The following MYO3A variants were observed in gnomAD, a reference collection of about 807,000 sequenced individuals.
MYO3A encodes myosin-IIIa.
MYO3A carries 180 observed loss-of-function variants against 192.7 expected under a neutral mutation model. The observed-to-expected ratio is 0.93, with a 90% CI of 0.83 to 1.06. The LOEUF is 1.06. MYO3A is among the 50% of genes least tolerant of loss of function. The pLI, the probability that MYO3A is intolerant of heterozygous loss-of-function variation, is 0.00. For missense variants in MYO3A, 1,896 were observed against 1,905.0 expected (o/e 1.00, Z 0.09); for synonymous variants, 628 against 645.3 (o/e 0.97, Z 0.41).
At chr10:25,961,946 A>G (rs753528319) in intron 4 of MYO3A, among the ~76,000 whole-genome samples, 2 of 152,168 alleles carry the variant, frequency 1.3e-5, no homozygotes, top group Non-Finnish European at 2.9e-5. Flanking sequence ...GAATCATGTT[A>G]ACAGTGCTAG....
intron 4 of MYO3A, among the ~76,000 whole-genome samples, chr10:25,968,489 A>G (rs1404008857): frequency 6.6e-6 from 1 of 152,230 alleles, no homozygotes; most frequent in Admixed American, 6.5e-5. Flanking sequence ...TCAGTGGTAA[A>G]TATAGGGCAG....
At chr10:26,137,777 T>A (rs1382234544) in intron 20 of MYO3A, among the ~76,000 whole-genome samples, 1 of 152,202 alleles carries the variant, frequency 6.6e-6, no homozygotes, top group African/African-American at 2.4e-5. Context: ...TCTGGGAATG[T>A]CTGTCCTATG....
intron 11 of MYO3A, 26 bp downstream of exon 11, chr10:26,067,100 T>TA (rs1476365847): frequency 7.0e-7 from 1 of 1,437,552 alleles, no homozygotes; most frequent in African/African-American, 1.4e-5. Flanking sequence ...TAATTAAACT[T>TA]AGACATTCCA....
At chr10:25,991,142 G>T (rs1192048568) in intron 4 of MYO3A, among the ~76,000 whole-genome samples, 10 of 152,152 alleles carry the variant, frequency 6.6e-5, no homozygotes, top group Admixed American at 6.5e-4. Flanking sequence ...GTGTAAAAGT[G>T]TTCCTATTTC....
intron 10 of MYO3A, among the ~76,000 whole-genome samples, chr10:26,046,221 T>G (rs1843630543): frequency 6.6e-6 from 1 of 152,170 alleles, no homozygotes; most frequent in African/African-American, 2.4e-5. Context: ...CTAGTAGAAC[T>G]GAGCCGTCAA....
At position 26,211,880 on chromosome 10, in the gene MYO3A, A is replaced by G. The variant is rs976178758; in HGVS notation, c.4768A>G (p.Arg1590Gly). The G allele has an allele frequency of 1.2e-6, 2 of 1,613,864 alleles. No homozygotes were observed. Among genetic ancestry groups the G allele is most frequent in the Non-Finnish European group, 1.7e-6 (2 of 1,179,970 alleles). ...AAESPEKEEE[R>G]EPAANPYDFR... Reference sequence around the variant, plus strand: ...GGAGAGCCCCGAGAAGGAGGAGGAGAGAGAGCCAGCAGCCAACCCCTACGA... The same window carrying G: ...GGAGAGCCCCGAGAAGGAGGAGGAGGGAGAGCCAGCAGCCAACCCCTACGA... The change falls in exon 35 of 35, where the codon AGA (arginine) becomes GGA (glycine). Residue 1590 changes from arginine to glycine, a missense_variant. Transcript: ENST00000642920.
At chr10:26,078,940 A>G (rs1763041620) in intron 14 of MYO3A, among the ~76,000 whole-genome samples, 2 of 152,140 alleles carry the variant, frequency 1.3e-5, no homozygotes, top group Admixed American at 6.5e-5. Flanking sequence ...CATATGGTCT[A>G]TCTTGGAGAA....
intron 32 of MYO3A, 38 bp downstream of exon 32, chr10:26,193,349 A>T: frequency 6.8e-7 from 1 of 1,466,618 alleles, no homozygotes; most frequent in Non-Finnish European, 9.5e-7. Flanking sequence ...GGGAGCCATC[A>T]CATCTACTAA....
chr10:25,938,884 A>G (rs911677737), intron 2 of MYO3A, among the ~76,000 whole-genome samples: 30 of 152,162 alleles, frequency 2.0e-4, no homozygotes, highest in Admixed American at 1.9e-3. Flanking sequence ...GTGTTCACTT[A>G]TGAAGCAGTT....
At chr10:26,078,129 ACTT>A (rs1298607123) in intron 14 of MYO3A, among the ~76,000 whole-genome samples, 1 of 92,074 alleles carries the variant, frequency 1.1e-5, no homozygotes, top group East Asian at 2.3e-4. Flanking sequence ...CTGGTCCTGG[ACTT>A]TTTTTTTTTT....
chr10:26,051,547 A>ATG (rs200193529), intron 10 of MYO3A, among the ~76,000 whole-genome samples: 23,984 of 148,002 alleles, frequency 0.16, 2,232 homozygotes, highest in Non-Finnish European at 0.21. Context: ...ATACATATAT[A>ATG]TATTATATAC....
chr10:26,149,829 C>T (rs1344749561), intron 23 of MYO3A, among the ~76,000 whole-genome samples: 1 of 152,148 alleles, frequency 6.6e-6, no homozygotes, highest in African/African-American at 2.4e-5. Context: ...ATCTAGCTGA[C>T]ATTTTATCCT....
At position 26,174,494 on chromosome 10, in the gene MYO3A, TA is replaced by T; in HGVS notation, c.4232del (p.Asn1411ThrfsTer36). 1 of 1,613,990 alleles carries T rather than the reference TA, an allele frequency of 6.2e-7. No homozygotes were observed. On this transcript the variant is annotated frameshift_variant, in exon 30 of 35. Transcript: ENST00000642920. LOFTEE classifies it high-confidence loss of function. The stretch of plus-strand genomic sequence containing the variant: ...AAATCAATAACATCAAGAAGAAGGA[TA>T]ACAAAGACTCGAAAGCAACTTCAGA... Reference protein sequence around the residue: ...EEINNIKKKDNKDSKATSERE... With the variant: ...EEINNIKKKDXKDSKATSERE...
rs886046924 is a variant in MYO3A at position 26,173,925 on chromosome 10, C to G, written c.3661C>G (p.Leu1221Val). The G allele has an allele frequency of 2.5e-6, 4 of 1,612,842 alleles. No individual in the cohort carries two copies. The East Asian group carries it at 8.9e-5, about 36-fold the overall frequency. Residue 1221 changes from leucine to valine, a missense_variant, in exon 30 of 35, where the codon CTG (leucine) becomes GTG (valine). Leu to Val is a conservative substitution (Grantham distance 32, BLOSUM62 1). Transcript: ENST00000642920. ...VSPKQKSVKD[L>V]EENSNLRKVE... is the part of the protein sequence containing the mutation. ...CCCCAAACAGAAGTCTGTCAAAGACCTGGAAGAGAACAGCAATCTAAGGAA... is the reference window on the plus strand; with the variant it reads ...CCCCAAACAGAAGTCTGTCAAAGACGTGGAAGAGAACAGCAATCTAAGGAA...
chr10:25,963,635 A>C (rs980831783), intron 4 of MYO3A, among the ~76,000 whole-genome samples: 3 of 152,134 alleles, frequency 2.0e-5, no homozygotes, highest in Non-Finnish European at 2.9e-5. Context: ...GCAGTTCACA[A>C]TTGCAGTGGA....
At chr10:26,176,006 G>A (rs1005996878) in intron 30 of MYO3A, among the ~76,000 whole-genome samples, 1 of 152,096 alleles carries the variant, frequency 6.6e-6, no homozygotes, top group Non-Finnish European at 1.5e-5. Flanking sequence ...TAAAAGACTG[G>A]AAAGAAGGCC....
chr10:26,185,985 G>C (rs1445412795), intron 31 of MYO3A, among the ~76,000 whole-genome samples: 1 of 152,032 alleles, frequency 6.6e-6, no homozygotes, highest in Non-Finnish European at 1.5e-5. Flanking sequence ...CTCTATTTGT[G>C]AATCACAATA....
intron 20 of MYO3A, among the ~76,000 whole-genome samples, chr10:26,135,756 A>G (rs1274893064): frequency 6.6e-6 from 1 of 152,036 alleles, no homozygotes; most frequent in East Asian, 1.9e-4. Context: ...ACCTGAGGTC[A>G]GGAGTTTGAG....
chr10:26,187,085 C>G (rs1481256844), intron 31 of MYO3A, among the ~76,000 whole-genome samples: 1 of 152,174 alleles, frequency 6.6e-6, no homozygotes, highest in Non-Finnish European at 1.5e-5. Context: ...TGAATATCTA[C>G]TATTCACTTA....
Sources: allele counts gnomAD v4.1 joint callset (sites outside exome capture counted in the v4.1 genomes callset), GRCh38; gene constraint gnomAD v4.1.1; transcripts MANE v1.5; gene names NCBI Gene and HGNC (gene_info 2026-07-23, HGNC 2026-07-21).